The following COL5A1 variants were observed in gnomAD, a reference collection of about 807,000 sequenced individuals.
COL5A1 encodes collagen type V alpha 1 chain.
Under a neutral mutation model 263.7 loss-of-function variants are expected in COL5A1, and 16 were observed. The ratio of observed to expected loss-of-function variants is 0.06; its 90% CI spans 0.04 to 0.09. The LOEUF is 0.09. Ranked by LOEUF, COL5A1 falls within the 10% of genes least tolerant of loss-of-function variation. The pLI is 1.00. For synonymous variants in COL5A1, 1,012 were observed against 1,004.5 expected (o/e 1.01, Z -0.14); for missense variants, 2,036 against 2,540.5 (o/e 0.80, Z 4.27).
At chr9:134,704,164 G>C (rs1399508907) in intron 4 of COL5A1, among the ~76,000 whole-genome samples, 1 of 152,188 alleles carries the variant, frequency 6.6e-6, no homozygotes, top group East Asian at 1.9e-4. Flanking sequence ...GGAAGCACTA[G>C]AAATCCGTGT....
intron 31 of COL5A1, among the ~76,000 whole-genome samples, chr9:134,787,919 G>A (rs1397076122): frequency 2.0e-5 from 3 of 152,220 alleles, no homozygotes; most frequent in Non-Finnish European, 4.4e-5. Context: ...TGGCTTTCTA[G>A]AGCTGAAGCC....
At chr9:134,715,069 G>A (rs1224690556) in intron 4 of COL5A1, among the ~76,000 whole-genome samples, 4 of 152,012 alleles carry the variant, frequency 2.6e-5, no homozygotes, top group Admixed American at 1.3e-4. Context: ...AGCATACGGA[G>A]GACCCCTGCC....
chr9:134,788,062 TAGAC>T (rs1409190174), intron 31 of COL5A1, among the ~76,000 whole-genome samples: 2 of 151,718 alleles, frequency 1.3e-5, no homozygotes, highest in East Asian at 2.0e-4. Context: ...GGCAGATGGA[TAGAC>T]AGATAGATGG....
chr9:134,766,835 G>C (rs1836685439), intron 22 of COL5A1, among the ~76,000 whole-genome samples, 165 bp from the exon 23 acceptor site: 1 of 152,184 alleles, frequency 6.6e-6, no homozygotes, highest in Admixed American at 6.5e-5. Context: ...TGAGTCCTGG[G>C]GCTGCTCTCT....
intron 24 of COL5A1, among the ~76,000 whole-genome samples, chr9:134,767,909 G>T (rs1008995436): frequency 3.2e-4 from 48 of 152,278 alleles, no homozygotes; most frequent in East Asian, 2.7e-3. Flanking sequence ...GAGAATCCCC[G>T]GGGGGCCTGA....
intron 42 of COL5A1, 119 bp from the exon 43 acceptor site, chr9:134,809,064 C>T (rs946939096): frequency 3.7e-5 from 33 of 885,802 alleles, no homozygotes; most frequent in Admixed American, 2.2e-4. Context: ...ACTGTGGGGA[C>T]GGTCACCCTC....
intron 3 of COL5A1, 147 bp from the exon 4 acceptor site, chr9:134,701,024 T>C: frequency 1.2e-6 from 1 of 803,208 alleles, no homozygotes; most frequent in Non-Finnish European, 2.1e-6. Flanking sequence ...CTTGTCTGAT[T>C]CCAGAGGCTG....
At chr9:134,774,793 T>G (rs1263446897) in intron 26 of COL5A1, 66 bp from the exon 27 acceptor site, 15 of 1,524,816 alleles carry the variant, frequency 9.8e-6, no homozygotes, top group Non-Finnish European at 1.3e-5. Flanking sequence ...CTCTGGAGTT[T>G]CCTGATGTTC....
At position 134,681,453 on chromosome 9, in the gene COL5A1, A is replaced by G. The variant is rs1227259225; in HGVS notation, c.110-9459A>G. On this transcript the variant is annotated intron_variant, in intron 1 of 65. Transcript: ENST00000371817. This position sits in a 1 kb window ranked among gnomAD's most constrained non-coding sequence, Gnocchi z 4.3. ...GGAGGAGACACACGCTGCCCATGGAACACACATAGCAGGGATATGGTTCCA... is the reference window on the plus strand; with the variant it reads ...GGAGGAGACACACGCTGCCCATGGAGCACACATAGCAGGGATATGGTTCCA... 6.6e-6 allele frequency among the ~76,000 whole-genome samples: 1 copy of G among 152,242 alleles called. No homozygotes were observed. Among genetic ancestry groups the G allele is most frequent in the Non-Finnish European group, 1.5e-5 (1 of 68,038 alleles).
At chr9:134,839,555 C>T (rs1006938709) in intron 65 of COL5A1, among the ~76,000 whole-genome samples, 1 of 152,188 alleles carries the variant, frequency 6.6e-6, no homozygotes, top group Non-Finnish European at 1.5e-5. Flanking sequence ...CGGGCAGCGC[C>T]CTGCTGGCTT....
intron 18 of COL5A1, among the ~76,000 whole-genome samples, chr9:134,759,514 CATACA>C (rs1836167658): frequency 7.6e-6 from 1 of 131,608 alleles, no homozygotes; most frequent in African/African-American, 3.1e-5. Context: ...TGCACACACA[CATACA>C]CACACCACAT....
At chr9:134,687,509 T>C (rs553610531) in intron 1 of COL5A1, among the ~76,000 whole-genome samples, 2 of 152,276 alleles carry the variant, frequency 1.3e-5, no homozygotes, top group Admixed American at 1.3e-4. Context: ...CACCATGTGA[T>C]GGACTGACCC....
intron 1 of COL5A1, among the ~76,000 whole-genome samples, chr9:134,654,556 G>A (rs1413954399): frequency 7.7e-6 from 1 of 129,526 alleles, no homozygotes; most frequent in Non-Finnish European, 1.6e-5. Flanking sequence ...GGTGTGTGTA[G>A]GGCTGGGTGT....
rs1176568360 is a variant in COL5A1 at position 134,790,597 on chromosome 9, T to TCCAC, written c.2700+1397_2700+1400dup. Among the ~76,000 whole-genome samples the TCCAC allele has an allele frequency of 2.3e-3, 150 of 65,730 alleles. 2 individuals are homozygous for TCCAC. Among genetic ancestry groups the TCCAC allele is most frequent in the Middle Eastern group, 0.016 (2 of 122 alleles). 43.1% of individuals were successfully genotyped at this position (65,730 alleles called of 152,430 possible). A position where few individuals can be genotyped will look rare whatever the true frequency, so the allele number is the denominator to read the frequency against. ...ATCCATCCATCCATCCATCTATCCATCCACCCACCCATCCATCCATCCATC... is the reference window on the plus strand; with the variant it reads ...ATCCATCCATCCATCCATCTATCCATCCACCCACCCACCCATCCATCCATCCATC... On this transcript the variant is annotated intron_variant, in intron 32 of 65. Coordinates refer to ENST00000371817, the MANE Select transcript of COL5A1 (RefSeq NM_000093.5).
At position 134,842,072 on chromosome 9, in the gene COL5A1, C is replaced by CCAGA; in HGVS notation, c.5371-80_5371-77dup. On this transcript the variant is annotated intron_variant, in intron 65 of 65. Transcript: ENST00000371817. The surrounding 1 kb of genome is among the most constrained non-coding windows in gnomAD (Gnocchi z 5.8). ...CAGGACACCAGCCTGGGTTTTGGAG[C>CCAGA]CAGACAGATTGTGGGGGGTGATTGG... 1 of 1,537,376 alleles carries CCAGA rather than the reference C, an allele frequency of 6.5e-7. No homozygotes were observed. Among genetic ancestry groups the CCAGA allele is most frequent in the Non-Finnish European group, 9.0e-7 (1 of 1,113,864 alleles).
chr9:134,817,886 A>G (rs1838824482), intron 54 of COL5A1, 55 bp downstream of exon 54: 1 of 1,528,426 alleles, frequency 6.5e-7, no homozygotes, highest in Admixed American at 1.9e-5. Context: ...AGGGGAGCCC[A>G]GAGGGTGGGG....
intron 65 of COL5A1, among the ~76,000 whole-genome samples, chr9:134,840,961 A>G (rs934302607): frequency 6.6e-6 from 1 of 152,170 alleles, no homozygotes; most frequent in Admixed American, 6.5e-5. Flanking sequence ...CGCCCTCCCC[A>G]TAGGTCAGGG....
At chr9:134,687,137 G>A (rs1261884011) in intron 1 of COL5A1, among the ~76,000 whole-genome samples, 1 of 152,208 alleles carries the variant, frequency 6.6e-6, no homozygotes, top group African/African-American at 2.4e-5. Flanking sequence ...CATGCGTGGG[G>A]GTCTGGACAT....
intron 32 of COL5A1, among the ~76,000 whole-genome samples, chr9:134,793,035 G>A (rs1837773486): frequency 6.6e-6 from 1 of 152,132 alleles, no homozygotes; most frequent in African/African-American, 2.4e-5. Context: ...CCTTGACTAT[G>A]GGCCAGACGT....
Sources: gnomAD v4.1 joint callset for allele counts (sites outside exome capture counted in the v4.1 genomes callset) on GRCh38, gnomAD v4.1.1 for gene constraint, Gnocchi (gnomAD v3.1) non-coding constraint, MANE v1.5 for transcripts, NCBI Gene and HGNC (gene_info 2026-07-23, HGNC 2026-07-21) for gene names.